The following MIR2052HG variants were observed in gnomAD, a reference collection of about 807,000 sequenced individuals.
MIR2052HG encodes the protein MIR2052 host gene.
intron 2 of MIR2052HG, among the ~76,000 whole-genome samples, chr8:74,648,129 A>G (rs1346590205): frequency 4.6e-5 from 7 of 152,174 alleles, no homozygotes; most frequent in Admixed American, 3.9e-4. Flanking sequence ...TCTCCCAGAA[A>G]GCTATAGACA....
At chr8:74,643,179 C>T (rs1808657419) in intron 2 of MIR2052HG, among the ~76,000 whole-genome samples, 1 of 152,164 alleles carries the variant, frequency 6.6e-6, no homozygotes, top group African/African-American at 2.4e-5. Context: ...TCACTCCCAA[C>T]CTGGTTGCCT....
chr8:74,730,591 T>C (rs1273521881), intron 4 of MIR2052HG, among the ~76,000 whole-genome samples: 4 of 152,168 alleles, frequency 2.6e-5, no homozygotes, highest in Admixed American at 6.5e-5. Flanking sequence ...AGCAAAAAGT[T>C]AAGATGATTG....
chr8:74,646,601 G>C (rs1013349500), intron 2 of MIR2052HG, among the ~76,000 whole-genome samples: 7 of 152,102 alleles, frequency 4.6e-5, no homozygotes, highest in Non-Finnish European at 8.8e-5. Context: ...AGACTGGTGG[G>C]CATTCACATA....
intron 5 of MIR2052HG, among the ~76,000 whole-genome samples, chr8:74,753,213 C>A (rs572682709): frequency 3.7e-4 from 56 of 152,270 alleles, no homozygotes; most frequent in African/African-American, 1.3e-3. Flanking sequence ...AAGTAAAAGT[C>A]AAAGCTACAT....
At chr8:74,726,200 A>G (rs961159095) in intron 4 of MIR2052HG, among the ~76,000 whole-genome samples, 3 of 152,178 alleles carry the variant, frequency 2.0e-5, no homozygotes, top group Non-Finnish European at 2.9e-5. Flanking sequence ...CTCAAAAGAA[A>G]AAAAGAATTA....
At chr8:74,743,288 C>T (rs1471047530) in intron 4 of MIR2052HG, among the ~76,000 whole-genome samples, 1 of 151,954 alleles carries the variant, frequency 6.6e-6, no homozygotes, top group Non-Finnish European at 1.5e-5. Flanking sequence ...AGTAGATAAG[C>T]TGTTTAATGT....
intron 2 of MIR2052HG, among the ~76,000 whole-genome samples, chr8:74,677,636 A>G (rs1282666467): frequency 6.6e-6 from 1 of 152,168 alleles, no homozygotes; most frequent in Admixed American, 6.5e-5. Context: ...ACTATGAAGA[A>G]CTGGATGATG....
chr8:74,602,865 C>CTTTCTTTCTTTCTT lies in MIR2052HG; in HGVS notation n.128+2968_128+2969insCTTTTTCTTTCTTT, dbSNP rs879678607. On this transcript the variant is annotated intron_variant and non_coding_transcript_variant, in intron 1 of 6. Transcript: ENST00000523442. ...TCTTTCTTTCTTTCTTTCTTTCTTT[C>CTTTCTTTCTTTCTT]TTTCTTTCTTTTTTCTATTCACAAA... is the stretch of plus-strand genomic sequence containing the variant. Among the ~76,000 whole-genome samples, 52 of 142,758 alleles carry CTTTCTTTCTTTCTT rather than the reference C, an allele frequency of 3.6e-4. 1 individual carries two copies. The highest frequency in any genetic ancestry group is 7.6e-4 in the African/African-American group (29 of 38,314). 93.7% of individuals were successfully genotyped at this position (142,758 alleles called of 152,430 possible).
chr8:74,727,377 A>C (rs985606218), intron 4 of MIR2052HG, among the ~76,000 whole-genome samples: 1 of 152,222 alleles, frequency 6.6e-6, no homozygotes, highest in Non-Finnish European at 1.5e-5. Flanking sequence ...CCATGATTGC[A>C]CATTAACTAA....
intron 2 of MIR2052HG, among the ~76,000 whole-genome samples, chr8:74,670,474 T>C (rs1205253531): frequency 6.6e-6 from 1 of 152,098 alleles, no homozygotes; most frequent in East Asian, 1.9e-4. Flanking sequence ...TATAAAATAG[T>C]GAGAGAAATA....
chr8:74,636,705 C>A (rs1428470872), intron 2 of MIR2052HG, among the ~76,000 whole-genome samples: 1 of 151,970 alleles, frequency 6.6e-6, no homozygotes, highest in Non-Finnish European at 1.5e-5. Context: ...ATTCCCAGAC[C>A]ACATTGGCAC....
intron 4 of MIR2052HG, among the ~76,000 whole-genome samples, chr8:74,711,774 C>T (rs998044509): frequency 1.3e-5 from 2 of 152,166 alleles, no homozygotes; most frequent in African/African-American, 4.8e-5. Context: ...TTAAATAAAT[C>T]TCCTTGCTTC....
At chr8:74,700,127 ATAC>A (rs1809343832) in intron 2 of MIR2052HG, among the ~76,000 whole-genome samples, 1 of 152,200 alleles carries the variant, frequency 6.6e-6, no homozygotes, top group Non-Finnish European at 1.5e-5. Context: ...AACTGCCAGT[ATAC>A]TACATTATTA....
intron 2 of MIR2052HG, among the ~76,000 whole-genome samples, chr8:74,626,065 C>G (rs1226558335): frequency 6.6e-6 from 1 of 152,166 alleles, no homozygotes; most frequent in Non-Finnish European, 1.5e-5. Context: ...ACACCTGAAA[C>G]AGGACCGTCT....
intron 2 of MIR2052HG, chr8:74,625,286 A>T (rs1000195233): frequency 1.1e-4 from 16 of 150,962 alleles, no homozygotes; most frequent in Admixed American, 9.3e-4. Flanking sequence ...CTTGTCTTGA[A>T]CTCCTGCCTT....
chr8:74,647,389 A>G (rs1483856257), intron 2 of MIR2052HG, among the ~76,000 whole-genome samples: 1 of 152,220 alleles, frequency 6.6e-6, no homozygotes, highest in African/African-American at 2.4e-5. Context: ...TGAGGCTCAA[A>G]TAAGTGATGT....
intron 2 of MIR2052HG, among the ~76,000 whole-genome samples, chr8:74,633,559 G>A (rs921379876): frequency 6.6e-6 from 1 of 152,142 alleles, no homozygotes; most frequent in African/African-American, 2.4e-5. Context: ...GCTAAATGAC[G>A]GCAGAGATTG....
intron 2 of MIR2052HG, among the ~76,000 whole-genome samples, chr8:74,648,040 T>C (rs1468982536): frequency 6.6e-6 from 1 of 152,110 alleles, no homozygotes; most frequent in African/African-American, 2.4e-5. Flanking sequence ...AGAATAACAA[T>C]GATTTTCAGG....
chr8:74,724,061 T>C (rs111820932), intron 4 of MIR2052HG, among the ~76,000 whole-genome samples: 1 of 152,246 alleles, frequency 6.6e-6, no homozygotes, highest in Non-Finnish European at 1.5e-5. Flanking sequence ...TTCTCATTCA[T>C]TGTTTTAATT....
Sources: gnomAD v4.1 joint callset for allele counts (sites outside exome capture counted in the v4.1 genomes callset) on GRCh38, gnomAD v4.1.1 for gene constraint, MANE v1.5 for transcripts, NCBI Gene and HGNC (gene_info 2026-07-23, HGNC 2026-07-21) for gene names.